The following RBFOX1 variants were observed in gnomAD, a reference collection of about 807,000 sequenced individuals.
The protein encoded by RBFOX1 is RNA binding protein fox-1 homolog 1.
RBFOX1 carries 8 observed loss-of-function variants against 57.7 expected under a neutral mutation model. The ratio of observed to expected loss-of-function variants is 0.14; its 90% CI spans 0.08 to 0.25. The LOEUF (loss-of-function observed/expected upper bound fraction) is 0.25. RBFOX1 is among the 10% of genes least tolerant of loss of function. The pLI, the probability that RBFOX1 is intolerant of heterozygous loss-of-function variation, is 1.00. For missense variants in RBFOX1, 611 were observed against 548.5 expected (o/e 1.11, Z -1.14); for synonymous variants, 326 against 222.4 (o/e 1.47, Z -4.15).
intron 11 of RBFOX1, among the ~76,000 whole-genome samples, chr16:7,632,800 G>T (rs934330620): frequency 2.6e-5 from 4 of 152,142 alleles, no homozygotes; most frequent in African/African-American, 9.7e-5. Context: ...ATATTAATTA[G>T]CCATATAGGG....
intron 3 of RBFOX1, among the ~76,000 whole-genome samples, chr16:6,720,266 T>C (rs1193254766): frequency 1.3e-5 from 2 of 152,132 alleles, no homozygotes; most frequent in Non-Finnish European, 2.9e-5. Flanking sequence ...AGTGTGTACT[T>C]CTTCCCCCTT....
intron 1 of RBFOX1, among the ~76,000 whole-genome samples, chr16:6,300,510 G>A (rs2078688212): frequency 1.3e-5 from 2 of 152,098 alleles, no homozygotes; most frequent in Admixed American, 6.6e-5. Context: ...AGTTATTAGC[G>A]AGACTTGCAC....
chr16:6,443,454 C>T (rs929221736), intron 2 of RBFOX1, among the ~76,000 whole-genome samples: 3 of 152,126 alleles, frequency 2.0e-5, no homozygotes, highest in African/African-American at 7.2e-5. Context: ...TTTGATTTCT[C>T]CTTGTGAAGC....
chr16:6,816,622 C>T (rs1044133158), intron 3 of RBFOX1, among the ~76,000 whole-genome samples: 1 of 151,606 alleles, frequency 6.6e-6, no homozygotes, highest in Non-Finnish European at 1.5e-5. Context: ...CACCTGTAGT[C>T]CCAGCTGCTT....
intron 3 of RBFOX1, among the ~76,000 whole-genome samples, chr16:5,608,966 A>T (rs754479852): frequency 6.6e-6 from 1 of 152,168 alleles, no homozygotes. Flanking sequence ...TCTTCCCCCC[A>T]TATCCATTTC....
intron 3 of RBFOX1, among the ~76,000 whole-genome samples, chr16:5,737,933 T>A (rs1200697953): frequency 2.0e-5 from 3 of 152,206 alleles, no homozygotes; most frequent in Non-Finnish European, 4.4e-5. Flanking sequence ...GGTACACATG[T>A]GCCACAGTGG....
chr16:7,551,505 C>A (rs1420031458), intron 5 of RBFOX1, among the ~76,000 whole-genome samples: 1 of 152,158 alleles, frequency 6.6e-6, no homozygotes, highest in Admixed American at 6.5e-5. Flanking sequence ...TCCAGTCAGC[C>A]AATAGCTCTG....
intron 3 of RBFOX1, among the ~76,000 whole-genome samples, chr16:7,029,710 T>C (rs1273056209): frequency 2.0e-5 from 3 of 152,164 alleles, no homozygotes; most frequent in Admixed American, 6.5e-5. Flanking sequence ...TCTATAATTA[T>C]AGGGTGGTAG....
intron 4 of RBFOX1, among the ~76,000 whole-genome samples, chr16:5,934,479 C>G (rs923394286): frequency 3.9e-5 from 6 of 152,164 alleles, no homozygotes; most frequent in African/African-American, 9.7e-5. Flanking sequence ...AGGTGAATTA[C>G]AAGACATCAG....
At chr16:6,698,498 C>T (rs1179484400) in intron 3 of RBFOX1, among the ~76,000 whole-genome samples, 1 of 152,182 alleles carries the variant, frequency 6.6e-6, no homozygotes, top group Non-Finnish European at 1.5e-5. Context: ...TGGGCCCTGT[C>T]TTTCCCCATG....
rs1257971597 is a variant in RBFOX1, at chr16:7,153,738, A to AAT, written c.27+101641_27+101642insTA. Among the ~76,000 whole-genome samples the AAT allele has an allele frequency of 7.9e-4, 120 of 151,382 alleles. 1 individual carries two copies. Among genetic ancestry groups the AAT allele is most frequent in the African/African-American group, 2.3e-3 (96 of 41,262 alleles). On this transcript the variant is annotated intron_variant, in intron 4 of 15. Transcript: ENST00000550418. Reference sequence around the variant, plus strand: ...GTGAGACAGTGTCTCAAAAAAAAAAAAAATAAGGAAAGAAAGAAAGGAAAG... The same window carrying AAT: ...GTGAGACAGTGTCTCAAAAAAAAAAAATAAATAAGGAAAGAAAGAAAGGAAAG...
chr16:5,552,915 GA>G (rs2045520293), intron 2 of RBFOX1, among the ~76,000 whole-genome samples: 2 of 152,040 alleles, frequency 1.3e-5, no homozygotes, highest in Non-Finnish European at 2.9e-5. Flanking sequence ...CTTGGGGCAA[GA>G]ATTCAAAAGG....
intron 1 of RBFOX1, among the ~76,000 whole-genome samples, chr16:5,310,976 T>G (rs761685675): frequency 2.6e-5 from 4 of 152,162 alleles, no homozygotes; most frequent in Admixed American, 6.5e-5. Flanking sequence ...GTATGTAGTT[T>G]CTTATTCCTC....
At chr16:7,223,963 A>G (rs1383325759) in intron 4 of RBFOX1, among the ~76,000 whole-genome samples, 1 of 151,974 alleles carries the variant, frequency 6.6e-6, no homozygotes, top group Non-Finnish European at 1.5e-5. Context: ...ATTGTTCCAC[A>G]TGTGGCTTCA....
intron 1 of RBFOX1, among the ~76,000 whole-genome samples, chr16:5,330,592 A>G (rs185329518): frequency 3.5e-4 from 54 of 152,128 alleles, no homozygotes; most frequent in African/African-American, 1.2e-3. Flanking sequence ...TCTAGTAGAG[A>G]TGGAGATTCA....
chr16:6,013,638 G>A (rs2094975091), intron 4 of RBFOX1, among the ~76,000 whole-genome samples: 1 of 152,104 alleles, frequency 6.6e-6, no homozygotes, highest in African/African-American at 2.4e-5. Context: ...TGTGAGGTTG[G>A]GCAAGACACT....
At chr16:7,534,653 G>A (rs1382135432) in intron 5 of RBFOX1, among the ~76,000 whole-genome samples, 1 of 152,152 alleles carries the variant, frequency 6.6e-6, no homozygotes, top group East Asian at 1.9e-4. Flanking sequence ...ACCAGGCTCA[G>A]CAGAGGGAGA....
At chr16:6,211,825 TTTATTTA>T (rs2097300243) in intron 1 of RBFOX1, among the ~76,000 whole-genome samples, 3 of 92,948 alleles carry the variant, frequency 3.2e-5, no homozygotes, top group African/African-American at 1.1e-4. Context: ...ACATCTTTTA[TTTATTTA>T]TTTATTTATT....
At chr16:6,029,496 G>A (rs563243337) in intron 1 of RBFOX1, among the ~76,000 whole-genome samples, 10 of 152,264 alleles carry the variant, frequency 6.6e-5, no homozygotes, top group South Asian at 6.2e-4. Context: ...AAACATGGCC[G>A]GGCGTGGTGG....
Sources: gnomAD v4.1 joint callset for allele counts (sites outside exome capture counted in the v4.1 genomes callset) on GRCh38, gnomAD v4.1.1 for gene constraint, MANE v1.5 for transcripts, NCBI Gene and HGNC (gene_info 2026-07-23, HGNC 2026-07-21) for gene names.